SLC29A3: variants seen among roughly 807,000 people sequenced by gnomAD.
SLC29A3 encodes solute carrier family 29 member 3, also known as equilibrative nucleoside transporter 3.
In SLC29A3, 18 loss-of-function variants were observed where a neutral mutation model predicts 25.4. That is an observed-to-expected ratio of 0.71 (90% CI 0.49 to 1.05). The LOEUF is 1.05. Ranked by LOEUF, SLC29A3 falls within the 50% of genes least tolerant of loss-of-function variation. The pLI is 0.00. For missense variants in SLC29A3, 586 were observed against 609.0 expected (o/e 0.96, Z 0.40); for synonymous variants, 258 against 267.1 (o/e 0.97, Z 0.33).
chr10:71,377,659 A>C (rs1365231329), intron 4 of SLC29A3, among the ~76,000 whole-genome samples: 1 of 152,224 alleles, frequency 6.6e-6, no homozygotes, highest in Non-Finnish European at 1.5e-5. Context: ...CCAATTTTGG[A>C]AGCGGCTTTT....
rs749774997 is a variant in SLC29A3 at position 71,319,278 on chromosome 10, C to A, written c.-32C>A. ...AAGCCCAGTGGTCCTGGCCGTGCGC[C>A]GGAGGCAGCGGCGGCGTGGCGCAGC... On this transcript the variant is annotated 5_prime_UTR_variant, in exon 1 of 6. Coordinates refer to ENST00000373189, the MANE Select transcript of SLC29A3 (RefSeq NM_018344.6). 2.2e-5 allele frequency: 14 copies of A among 623,858 alleles called. No individual in the cohort carries two copies. Among genetic ancestry groups the A allele is most frequent in the Non-Finnish European group, 4.0e-5 (14 of 347,708 alleles). The allele number at this position is 623,858 out of a possible 1,614,324, so 38.6% of individuals were successfully genotyped here.
At chr10:71,350,316 TGTGTGTGTGTGTGTG>T (rs563994296) in intron 3 of SLC29A3, among the ~76,000 whole-genome samples, 2,634 of 126,832 alleles carry the variant, frequency 0.021, 80 homozygotes, top group African/African-American at 0.11. Flanking sequence ...CACACCTACG[TGTGTGTGTGTGTGTG>T]TGTGTGTGTG....
chr10:71,322,679 G>A lies in SLC29A3; in HGVS notation c.2-77G>A. 1.9e-6 allele frequency: 3 copies of A among 1,554,894 alleles called. No homozygotes were observed. The South Asian group carries it at 3.4e-5, about 17-fold the overall frequency. ...AGGGGGCATGGTCATTTTGTAGGCTGGGTGGGTCCCCAGCTGTCCCCCAGC... is the reference window on the plus strand; with the variant it reads ...AGGGGGCATGGTCATTTTGTAGGCTAGGTGGGTCCCCAGCTGTCCCCCAGC... On this transcript the variant is annotated intron_variant, in intron 1 of 5. Transcript: ENST00000373189.
At chr10:71,351,252 G>A (rs926229585) in intron 3 of SLC29A3, among the ~76,000 whole-genome samples, 11 of 152,180 alleles carry the variant, frequency 7.2e-5, no homozygotes, top group African/African-American at 1.4e-4. Flanking sequence ...CCCACTGAGC[G>A]CTGGCCCTGA....
chr10:71,381,034 C>T (rs1428839095), exon 5 of SLC29A3: 3 of 152,182 alleles, frequency 2.0e-5, no homozygotes, highest in Non-Finnish European at 4.4e-5. Context: ...TCACTCCTGC[C>T]TCCTAGTATT....
At chr10:71,319,503 G>A (rs998998868) in intron 1 of SLC29A3, 193 bp downstream of exon 1, 4 of 425,116 alleles carry the variant, frequency 9.4e-6, no homozygotes, top group Admixed American at 8.9e-5. Context: ...CTCTTTCTGG[G>A]TCTCTATCTT....
intron 3 of SLC29A3, among the ~76,000 whole-genome samples, chr10:71,373,132 T>G (rs2131859145): frequency 6.6e-6 from 1 of 152,330 alleles, no homozygotes; most frequent in South Asian, 2.1e-4. Context: ...CTGTTTTTCA[T>G]TTTCTGAGTC....
At position 71,362,566 on chromosome 10, in the gene SLC29A3, A is replaced by C. The variant is rs1383922546; in HGVS notation, c.1386A>C (p.Thr462=). 1.9e-6 allele frequency: 3 copies of C among 1,614,024 alleles called. No individual in the cohort carries two copies. The African/African-American group carries it at 4.0e-5, about 22-fold the overall frequency. ...VMSFYVCLGL[T]LGSACSTLLV... ...CCTTTTATGTGTGCTTGGGCTTAAC[A>C]CTGGGCTCAGCCTGCTCTACCCTCC... The change falls in exon 6 of 6, where the codon ACA becomes ACC. Residue 462 remains threonine (T), a synonymous_variant. Coordinates refer to ENST00000373189, the MANE Select transcript of SLC29A3 (RefSeq NM_018344.6).
At chr10:71,322,495 A>C (rs892368132) in intron 1 of SLC29A3, among the ~76,000 whole-genome samples, 1 of 152,180 alleles carries the variant, frequency 6.6e-6, no homozygotes, top group African/African-American at 2.4e-5. Flanking sequence ...GTTATGTGCT[A>C]CTGCTACCTC....
intron 1 of SLC29A3, 72 bp from the exon 2 acceptor site, chr10:71,322,684 G>C: frequency 6.4e-7 from 1 of 1,560,608 alleles, no homozygotes; most frequent in Non-Finnish European, 8.8e-7. Context: ...AGGCTGGGTG[G>C]GTCCCCAGCT....
At chr10:71,348,745 C>T (rs1846665687) in intron 3 of SLC29A3, among the ~76,000 whole-genome samples, 1 of 152,224 alleles carries the variant, frequency 6.6e-6, no homozygotes, top group South Asian at 2.1e-4. Context: ...CCCTGCAGAC[C>T]TTGAGAAGAT....
intron 2 of SLC29A3, among the ~76,000 whole-genome samples, chr10:71,332,694 G>A (rs568839440): frequency 3.3e-5 from 5 of 152,258 alleles, no homozygotes; most frequent in South Asian, 2.1e-4. Context: ...TTAAAAATTA[G>A]AACCAAAAGT....
chr10:71,375,347 G>A (rs1383587233), intron 3 of SLC29A3, among the ~76,000 whole-genome samples: 4 of 152,182 alleles, frequency 2.6e-5, no homozygotes, highest in South Asian at 2.1e-4. Context: ...ACTGCAGCAC[G>A]TCCAAGTTCT....
At chr10:71,339,837 C>G (rs1199556322) in intron 2 of SLC29A3, among the ~76,000 whole-genome samples, 1 of 152,120 alleles carries the variant, frequency 6.6e-6, no homozygotes, top group Non-Finnish European at 1.5e-5. Flanking sequence ...CTGGTGGAAA[C>G]CCCCCAGAGC....
chr10:71,369,744 T>G (rs1847197317), intron 3 of SLC29A3, among the ~76,000 whole-genome samples: 1 of 152,214 alleles, frequency 6.6e-6, no homozygotes, highest in Non-Finnish European at 1.5e-5. Context: ...AGGCTCTGCC[T>G]ATGTACAGTA....
chr10:71,338,283 T>C (rs1489526966), intron 2 of SLC29A3, among the ~76,000 whole-genome samples: 1 of 152,254 alleles, frequency 6.6e-6, no homozygotes, highest in Non-Finnish European at 1.5e-5. Context: ...TCCGTCAATT[T>C]TGGGTAACTG....
At chr10:71,366,939 C>T (rs968394538), downstream of SLC29A3, among the ~76,000 whole-genome samples, 4 of 152,200 alleles carry the variant, frequency 2.6e-5, no homozygotes, top group African/African-American at 9.7e-5. Flanking sequence ...CACTGTTGCT[C>T]TTCACCCACT....
At chr10:71,329,717 A>G (rs1172561500) in intron 2 of SLC29A3, among the ~76,000 whole-genome samples, 1 of 152,174 alleles carries the variant, frequency 6.6e-6, no homozygotes, top group African/African-American at 2.4e-5. Flanking sequence ...AACATAGTGA[A>G]ACACCAGTCT....
intron 3 of SLC29A3, 111 bp downstream of exon 3, chr10:71,344,402 A>C (rs1846508181): frequency 1.3e-6 from 1 of 796,056 alleles, no homozygotes; most frequent in Non-Finnish European, 2.2e-6. Flanking sequence ...TGGTCACCAA[A>C]GTAGGATGCA....
Sources: allele counts gnomAD v4.1 joint callset (sites outside exome capture counted in the v4.1 genomes callset), GRCh38; gene constraint gnomAD v4.1.1; transcripts MANE v1.5; gene names NCBI Gene and HGNC (gene_info 2026-07-23, HGNC 2026-07-21).